The following DHRSX variants were observed in gnomAD, a reference collection of about 807,000 sequenced individuals.
DHRSX encodes dehydrogenase/reductase X-linked, also known as polyprenol dehydrogenase.
Under a neutral mutation model 34.0 loss-of-function variants are expected in DHRSX, and 31 were observed. That is an observed-to-expected ratio of 0.91 (90% CI 0.69 to 1.23). The LOEUF (loss-of-function observed/expected upper bound fraction) is 1.23, where lower values mean the gene tolerates loss of function less well. Ranked by LOEUF, DHRSX falls within the 50% of genes most tolerant of loss-of-function variation. The pLI, the probability that DHRSX is intolerant of heterozygous loss-of-function variation, is 0.00. For synonymous variants in DHRSX, 201 were observed against 183.8 expected, an observed-to-expected ratio of 1.09 and a Z score of -0.76; for missense variants, 414 against 428.1, an observed-to-expected ratio of 0.97 and a Z score of 0.29.
At chrX:2,492,136 AAAG>A (rs1459212654) in intron 1 of DHRSX, among the ~76,000 whole-genome samples, 2 of 152,232 alleles carry the variant, frequency 1.3e-5, no homozygotes, top group African/African-American at 4.8e-5. Context: ...CTCCCCTACC[AAAG>A]AAAATCTGTA....
intron 3 of DHRSX, among the ~76,000 whole-genome samples, chrX:2,339,002 A>G (rs915058243): frequency 6.6e-6 from 1 of 152,050 alleles, no homozygotes; most frequent in Non-Finnish European, 1.5e-5. Context: ...ATGATAATCC[A>G]TATAATTTCC....
At position 2,256,666 on chromosome X, in the gene DHRSX, C is replaced by T. The variant is rs1450063652; in HGVS notation, c.596+10074G>A. ...ACTCTTGGATTTTTGGAATATGTTA[C>T]AACACTGTGATTTATTCCTTTACAA... On this transcript the variant is annotated intron_variant, in intron 5 of 6. Transcript: ENST00000334651. Among the ~76,000 whole-genome samples the T allele has an allele frequency of 4.6e-5, 7 of 152,158 alleles. No homozygotes were observed. The South Asian group carries it at 1.2e-3, about 27-fold the overall frequency.
intron 3 of DHRSX, among the ~76,000 whole-genome samples, chrX:2,388,317 A>C (rs1221510247): frequency 2.0e-5 from 3 of 152,180 alleles, no homozygotes; most frequent in Non-Finnish European, 4.4e-5. Context: ...CTAGGACTTC[A>C]GAATGTGATC....
chrX:2,364,813 A>G (rs1222475689), intron 3 of DHRSX, among the ~76,000 whole-genome samples: 1 of 152,164 alleles, frequency 6.6e-6, no homozygotes, highest in Admixed American at 6.5e-5. Flanking sequence ...CCTATCATCT[A>G]TTGACCATCG....
At chrX:2,484,653 G>T (rs757507758) in intron 1 of DHRSX, among the ~76,000 whole-genome samples, 1 of 152,186 alleles carries the variant, frequency 6.6e-6, no homozygotes, top group Admixed American at 6.5e-5. Context: ...GGGGCATGGC[G>T]AGTTCATTTT....
intron 1 of DHRSX, among the ~76,000 whole-genome samples, chrX:2,478,472 C>T (rs1381671430): frequency 6.6e-6 from 1 of 151,640 alleles, no homozygotes; most frequent in Non-Finnish European, 1.5e-5. Context: ...ACACTGAAGA[C>T]GTTCCCTAAG....
intron 1 of DHRSX, among the ~76,000 whole-genome samples, chrX:2,484,145 G>A (rs1452479132): frequency 6.6e-6 from 1 of 152,080 alleles, no homozygotes; most frequent in Admixed American, 6.5e-5. Context: ...GCTAATGTTT[G>A]TATTTTTAGT....
chrX:2,310,099 G>A (rs1317795374), intron 3 of DHRSX, among the ~76,000 whole-genome samples: 2 of 152,066 alleles, frequency 1.3e-5, no homozygotes, highest in Non-Finnish European at 2.9e-5. Flanking sequence ...GTCTTGGTAA[G>A]CCAGAACCTC....
At chrX:2,481,385 G>A (rs1298035961) in intron 1 of DHRSX, among the ~76,000 whole-genome samples, 2 of 152,134 alleles carry the variant, frequency 1.3e-5, no homozygotes, top group Non-Finnish European at 2.9e-5. Context: ...TCCACACTGG[G>A]CTGGTCGCGG....
intron 2 of DHRSX, 102 bp downstream of exon 2, chrX:2,425,095 G>A (rs1329240506): frequency 1.2e-5 from 10 of 852,968 alleles, no homozygotes; most frequent in Non-Finnish European, 1.9e-5. Flanking sequence ...AGCCAAGATT[G>A]CACCACTGCA....
chrX:2,307,287 G>T (rs1444379599), intron 3 of DHRSX, among the ~76,000 whole-genome samples: 2 of 152,136 alleles, frequency 1.3e-5, no homozygotes, highest in African/African-American at 4.8e-5. Flanking sequence ...AAAATGGGAA[G>T]CTGGCACACC....
intron 3 of DHRSX, among the ~76,000 whole-genome samples, chrX:2,387,309 G>A (rs965597959): frequency 3.3e-5 from 5 of 152,136 alleles, no homozygotes; most frequent in Non-Finnish European, 7.4e-5. Context: ...AACGGACCCT[G>A]TATTGGTCAG....
At chrX:2,465,646 A>G (rs1158857294) in intron 1 of DHRSX, among the ~76,000 whole-genome samples, 4 of 139,196 alleles carry the variant, frequency 2.9e-5, no homozygotes, top group Non-Finnish European at 6.1e-5. Flanking sequence ...TACTAAAAAT[A>G]CAAAAAAAAA....
Position 2,266,970 on chromosome X carries a change from A to G in DHRSX, c.389-23T>C, listed in dbSNP as rs763723696. The G allele has an allele frequency of 2.5e-6, 4 of 1,612,086 alleles. No individual in the cohort carries two copies. The South Asian group carries it at 3.3e-5, about 13-fold the overall frequency. On this transcript the variant is annotated intron_variant, in intron 4 of 6. Transcript: ENST00000334651. Reference sequence around the variant, plus strand: ...CAGCTGGACAAAAGAGAATATCAGAAGGAGTTAGACTGGGGAAGACAGTGG... The same window carrying G: ...CAGCTGGACAAAAGAGAATATCAGAGGGAGTTAGACTGGGGAAGACAGTGG...
chrX:2,433,517 A>T (rs2043953824), intron 1 of DHRSX, among the ~76,000 whole-genome samples: 1 of 152,148 alleles, frequency 6.6e-6, no homozygotes, highest in African/African-American at 2.4e-5. Context: ...TAAGCCCTGC[A>T]TGCATTAGGT....
intron 1 of DHRSX, among the ~76,000 whole-genome samples, chrX:2,472,001 C>T (rs767091543): frequency 3.2e-4 from 49 of 151,876 alleles, no homozygotes; most frequent in Non-Finnish European, 5.9e-4. Flanking sequence ...CAAAATTAGC[C>T]GGGCGTGGTG....
intron 1 of DHRSX, among the ~76,000 whole-genome samples, chrX:2,449,018 A>G (rs1395676461): frequency 6.6e-6 from 1 of 152,018 alleles, no homozygotes; most frequent in East Asian, 1.9e-4. Flanking sequence ...CTGAAACCCC[A>G]TCTCTACTAA....
chrX:2,327,885 C>G (rs1250999342), intron 3 of DHRSX, among the ~76,000 whole-genome samples: 1 of 151,906 alleles, frequency 6.6e-6, no homozygotes, highest in East Asian at 1.9e-4. Flanking sequence ...TCGAGACCAT[C>G]CTGGCTAACA....
At chrX:2,248,325 T>C (rs921484565) in intron 5 of DHRSX, among the ~76,000 whole-genome samples, 24 of 150,798 alleles carry the variant, frequency 1.6e-4, no homozygotes, top group African/African-American at 5.6e-4. Flanking sequence ...CCTAGCTACT[T>C]GGGAGGCTGA....
Sources: gnomAD v4.1 joint callset for allele counts (sites outside exome capture counted in the v4.1 genomes callset) on GRCh38, gnomAD v4.1.1 for gene constraint, MANE v1.5 for transcripts, NCBI Gene and HGNC (gene_info 2026-07-23, HGNC 2026-07-21) for gene names.